Variants in SDK1 observed in about 807,000 individuals in gnomAD.
The protein encoded by SDK1 is protein sidekick-1.
SDK1 carries 157 observed loss-of-function variants against 245.5 expected under a neutral mutation model. The observed-to-expected ratio is 0.64, with a 90% CI of 0.56 to 0.73. SDK1 has a LOEUF of 0.73. SDK1 is among the 30% of genes least tolerant of loss of function. The pLI is 0.00. For synonymous variants in SDK1, 1,647 were observed against 1,278.5 expected (o/e 1.29, Z -6.15); for missense variants, 3,583 against 3,002.3 (o/e 1.19, Z -4.52).
chr7:3,653,014 C>T (rs1024603389), intron 4 of SDK1, among the ~76,000 whole-genome samples: 1 of 152,248 alleles, frequency 6.6e-6, no homozygotes, highest in East Asian at 1.9e-4. Flanking sequence ...CTCTTCCTCA[C>T]TTTGGCTATT....
intron 2 of SDK1, among the ~76,000 whole-genome samples, chr7:3,637,101 G>GTT (rs1562620575): frequency 1.0e-4 from 15 of 149,956 alleles, no homozygotes; most frequent in African/African-American, 3.7e-4. Context: ...GTGTGTGTGT[G>GTT]TGTGTGTGTG....
At chr7:3,734,679 C>T (rs1232174295) in intron 4 of SDK1, among the ~76,000 whole-genome samples, 1 of 152,204 alleles carries the variant, frequency 6.6e-6, no homozygotes, top group Non-Finnish European at 1.5e-5. Context: ...TGGAGGAAGG[C>T]TGCAGGCCAA....
chr7:3,712,485 A>G (rs534973080), intron 4 of SDK1, among the ~76,000 whole-genome samples: 1 of 152,370 alleles, frequency 6.6e-6, no homozygotes, highest in East Asian at 1.9e-4. Context: ...TAAAGTACAC[A>G]ATAAATGTAA....
chr7:3,742,856 A>G (rs2115054473), intron 4 of SDK1, among the ~76,000 whole-genome samples: 1 of 152,190 alleles, frequency 6.6e-6, no homozygotes, highest in East Asian at 1.9e-4. Context: ...TTATTGGAAA[A>G]GAAACCCACA....
In SDK1 at chr7:4,267,109, T is replaced by C; in HGVS notation, c.*1725T>C. ...CCAGGAGACCAAGGAGAGTTTTGTA[T>C]AGGCTGGAAAACCCCTTTTCAGTCT... On this transcript the variant is annotated 3_prime_UTR_variant, in exon 45 of 45. Coordinates refer to ENST00000404826, the MANE Select transcript of SDK1 (RefSeq NM_152744.4). 2 of 985,434 alleles carry C rather than the reference T, an allele frequency of 2.0e-6. No individual in the cohort carries two copies. The highest frequency in any genetic ancestry group is 2.4e-6 in the Non-Finnish European group (2 of 829,946). The allele number at this position is 985,434 out of a possible 1,614,324, so 61.0% of individuals were successfully genotyped here. A position where few individuals can be genotyped will look rare whatever the true frequency, so the allele number is the denominator to read the frequency against.
intron 5 of SDK1, among the ~76,000 whole-genome samples, chr7:3,944,516 T>C (rs1315440992): frequency 1.3e-5 from 2 of 152,244 alleles, no homozygotes; most frequent in East Asian, 1.9e-4. Flanking sequence ...AAATTAATCA[T>C]TGAGTATTTG....
At chr7:3,414,827 G>A (rs1355479263) in intron 1 of SDK1, among the ~76,000 whole-genome samples, 1 of 152,046 alleles carries the variant, frequency 6.6e-6, no homozygotes, top group East Asian at 1.9e-4. Flanking sequence ...CATATAATGT[G>A]TGTTTTTTTT....
chr7:3,747,343 T>C (rs1429126917), intron 4 of SDK1, among the ~76,000 whole-genome samples: 3 of 152,228 alleles, frequency 2.0e-5, no homozygotes, highest in African/African-American at 4.8e-5. Flanking sequence ...TGTGTACTTG[T>C]AAGGGTGGAG....
chr7:4,137,977 C>T (rs978510827), intron 28 of SDK1, among the ~76,000 whole-genome samples: 10 of 152,176 alleles, frequency 6.6e-5, no homozygotes, highest in South Asian at 2.1e-4. Flanking sequence ...ACTTTTTAAA[C>T]GTGTCAAGGT....
intron 4 of SDK1, among the ~76,000 whole-genome samples, chr7:3,706,664 A>G (rs942829172): frequency 6.6e-6 from 1 of 152,190 alleles, no homozygotes; most frequent in Non-Finnish European, 1.5e-5. Context: ...GGCCTCCCAA[A>G]GTGCTGGGAT....
chr7:4,064,358 A>C (rs1267206145), intron 19 of SDK1, among the ~76,000 whole-genome samples: 1 of 152,214 alleles, frequency 6.6e-6, no homozygotes, highest in Non-Finnish European at 1.5e-5. Context: ...ATGCTAATCA[A>C]AACCTCAATG....
intron 5 of SDK1, among the ~76,000 whole-genome samples, chr7:3,898,036 C>A (rs1390566409): frequency 6.6e-6 from 1 of 152,106 alleles, no homozygotes; most frequent in Non-Finnish European, 1.5e-5. Flanking sequence ...GCACACACAC[C>A]CCAATCAACA....
intron 1 of SDK1, among the ~76,000 whole-genome samples, chr7:3,394,387 C>A (rs1722364925): frequency 6.6e-6 from 1 of 152,046 alleles, no homozygotes; most frequent in Admixed American, 6.6e-5. Context: ...AATTATGTGC[C>A]ATTGATCAAT....
chr7:3,596,687 T>C (rs535746001), intron 1 of SDK1, among the ~76,000 whole-genome samples: 33 of 152,272 alleles, frequency 2.2e-4, no homozygotes, highest in Middle Eastern at 3.4e-3. Flanking sequence ...GAATTTCATA[T>C]GAAGGAAATC....
chr7:3,590,566 G>T (rs1302501776), intron 1 of SDK1, among the ~76,000 whole-genome samples: 2 of 152,056 alleles, frequency 1.3e-5, no homozygotes, highest in South Asian at 2.1e-4. Context: ...TTGGGCAACA[G>T]AAATCTATTA....
At chr7:3,823,704 C>A (rs112220395) in intron 5 of SDK1, among the ~76,000 whole-genome samples, 1 of 151,988 alleles carries the variant, frequency 6.6e-6, no homozygotes, top group Non-Finnish European at 1.5e-5. Flanking sequence ...TCATTGGCAC[C>A]AGGTAAAAAT....
intron 17 of SDK1, among the ~76,000 whole-genome samples, chr7:4,023,375 G>C (rs928196033): frequency 6.6e-6 from 1 of 152,246 alleles, no homozygotes; most frequent in East Asian, 1.9e-4. Flanking sequence ...CTCTAATACA[G>C]TTTCAGCCAA....
rs891816192 is a variant in SDK1, at chr7:4,210,039, A to C, written c.5416A>C (p.Ser1806Arg). ...TATTCTCCCAGCCCCTGGGGCCCCC[A>C]GCTTTCTGGCGTTCTCAGAAATAAC... Reference protein sequence around the residue: ...RTHQAAPGAPSFLAFSEITST... With the variant: ...RTHQAAPGAPRFLAFSEITST... Residue 1806 changes from serine (S) to arginine (R), a missense_variant, in exon 38 of 45, where the codon AGC becomes CGC. By Grantham distance (110) the Ser-to-Arg change is moderately radical. Coordinates refer to ENST00000404826, the MANE Select transcript of SDK1 (RefSeq NM_152744.4). The C allele has an allele frequency of 6.3e-7, 1 of 1,590,698 alleles. No homozygotes were observed. The highest frequency in any genetic ancestry group is 1.4e-5 in the African/African-American group (1 of 73,880).
rs113327148 is a variant in SDK1, at chr7:3,562,909, T to C, written c.299-56171T>C. On this transcript the variant is annotated intron_variant, in intron 1 of 44. Transcript: ENST00000404826. Reference sequence around the variant, plus strand: ...GAAGGGAAGCAAATACACGGGCAGCTACAAGAGATAGGGGAGGTAAGGGGG... The same window carrying C: ...GAAGGGAAGCAAATACACGGGCAGCCACAAGAGATAGGGGAGGTAAGGGGG... Among the ~76,000 whole-genome samples the C allele has an allele frequency of 1.5e-4, 5 of 33,038 alleles. 1 individual carries two copies. The highest frequency in any genetic ancestry group is 8.8e-4 in the African/African-American group (5 of 5,674). The allele number at this position is 33,038 out of a possible 152,430, so 21.7% of individuals were successfully genotyped here.
Sources: gnomAD v4.1 joint callset for allele counts (sites outside exome capture counted in the v4.1 genomes callset) on GRCh38, gnomAD v4.1.1 for gene constraint, MANE v1.5 for transcripts, NCBI Gene and HGNC (gene_info 2026-07-23, HGNC 2026-07-21) for gene names.